Variants in LUC7L2 observed in about 807,000 individuals in gnomAD.
LUC7L2 encodes the protein putative RNA-binding protein Luc7-like 2.
A neutral mutation model predicts 52.8 loss-of-function variants in LUC7L2; 25 were observed. The ratio of observed to expected loss-of-function variants is 0.47; its 90% CI spans 0.34 to 0.66. LUC7L2 has a LOEUF of 0.66. Ranked by LOEUF, LUC7L2 falls within the 30% of genes least tolerant of loss-of-function variation. The pLI is 0.01. For missense variants in LUC7L2, 328 were observed against 497.8 expected (o/e 0.66, Z 3.25); for synonymous variants, 144 against 160.9 (o/e 0.89, Z 0.80).
intron 1 of LUC7L2, among the ~76,000 whole-genome samples, chr7:139,371,151 T>C (rs1373998960): frequency 6.6e-6 from 1 of 152,204 alleles, no homozygotes; most frequent in Non-Finnish European, 1.5e-5. Flanking sequence ...TTTGTAGACA[T>C]GGGAGTGTCT....
chr7:139,349,614 T>TCCCC (rs10581534), intron 1 of LUC7L2, among the ~76,000 whole-genome samples: 1 of 134,328 alleles, frequency 7.4e-6, no homozygotes, highest in Non-Finnish European at 1.6e-5. Flanking sequence ...TGTCAACTGC[T>TCCCC]CCCCCCCCCC....
intron 1 of LUC7L2, chr7:139,345,852 T>C (rs892018569): frequency 2.3e-6 from 2 of 861,064 alleles, no homozygotes; most frequent in Non-Finnish European, 3.3e-6. Context: ...GGACATTTCA[T>C]CTTTACTCTC....
At chr7:139,374,263 C>A in intron 1 of LUC7L2, 1 of 643,372 alleles carries the variant, frequency 1.6e-6, no homozygotes, top group Non-Finnish European at 2.7e-6. Context: ...AAATGAAACA[C>A]CCTGATTTTG....
At chr7:139,411,826 T>C (rs1435270057) in intron 7 of LUC7L2, among the ~76,000 whole-genome samples, 1 of 152,072 alleles carries the variant, frequency 6.6e-6, no homozygotes, top group Non-Finnish European at 1.5e-5. Flanking sequence ...TATGTAGATC[T>C]CAGACCATAG....
At chr7:139,392,278 G>T in intron 2 of LUC7L2, 1 of 209,940 alleles carries the variant, frequency 4.8e-6, no homozygotes. Flanking sequence ...GTCATGGTTT[G>T]TGCAAAACCT....
intron 1 of LUC7L2, among the ~76,000 whole-genome samples, chr7:139,342,411 A>G (rs1322964502): frequency 6.6e-6 from 1 of 152,152 alleles, no homozygotes; most frequent in Non-Finnish European, 1.5e-5. Context: ...TGAAAGCCCA[A>G]GGGGAGAAAA....
chr7:139,360,172 CA>C lies in LUC7L2; in HGVS notation c.-89del. Reference sequence around the variant, plus strand: ...GGCGGCGGCCACCGAGACAGCAGCGCACCTTCCCCCATCCCTTCCCCTTATC... The same window carrying C: ...GGCGGCGGCCACCGAGACAGCAGCGCCCTTCCCCCATCCCTTCCCCTTATC... On this transcript the variant is annotated 5_prime_UTR_variant, in exon 1 of 10. Transcript: ENST00000354926. The C allele has an allele frequency of 1.0e-6, 1 of 990,496 alleles. No homozygotes were observed. The highest frequency in any genetic ancestry group is 2.4e-5 in the Admixed American group (1 of 41,808). 61.4% of individuals were successfully genotyped at this position (990,496 alleles called of 1,614,324 possible).
In LUC7L2 at chr7:139,422,152, A is replaced by G; in HGVS notation, c.1002-11A>G. On this transcript the variant is annotated splice_polypyrimidine_tract_variant and intron_variant, in intron 9 of 9. Transcript: ENST00000354926. The stretch of plus-strand genomic sequence containing the variant: ...CCAACATATTTTGCTCCTCAAATTA[A>G]TATTTTTCAGATCCTCAAAAGAAAG... The G allele has an allele frequency of 1.3e-6, 2 of 1,588,076 alleles. No individual in the cohort carries two copies. The highest frequency in any genetic ancestry group is 1.7e-6 in the Non-Finnish European group (2 of 1,172,242).
chr7:139,351,673 T>G (rs1657307829), intron 1 of LUC7L2, among the ~76,000 whole-genome samples: 1 of 152,248 alleles, frequency 6.6e-6, no homozygotes, highest in African/African-American at 2.4e-5. Flanking sequence ...TGTTTGACAG[T>G]CCAGCTAGAA....
intron 2 of LUC7L2, among the ~76,000 whole-genome samples, chr7:139,385,569 C>T (rs1794160877): frequency 6.6e-6 from 1 of 152,038 alleles, no homozygotes; most frequent in South Asian, 2.1e-4. Context: ...GATCCTCACA[C>T]CTGGGCCTCT....
intron 1 of LUC7L2, among the ~76,000 whole-genome samples, chr7:139,343,103 C>T (rs1799083452): frequency 6.6e-6 from 1 of 152,100 alleles, no homozygotes; most frequent in South Asian, 2.1e-4. Context: ...ATTGCTGACC[C>T]TTTTGTCCTC....
chr7:139,367,675 A>G (rs1156618421), intron 1 of LUC7L2, among the ~76,000 whole-genome samples: 3 of 152,202 alleles, frequency 2.0e-5, no homozygotes, highest in East Asian at 1.9e-4. Context: ...TGAACTATAT[A>G]TATACCTAAG....
chr7:139,349,057 G>A (rs1799365948), intron 1 of LUC7L2, among the ~76,000 whole-genome samples: 1 of 152,128 alleles, frequency 6.6e-6, no homozygotes, highest in African/African-American at 2.4e-5. Flanking sequence ...TGGAGGCTGA[G>A]GCACAAGAAT....
intron 2 of LUC7L2, among the ~76,000 whole-genome samples, chr7:139,384,813 A>G (rs983207303): frequency 6.6e-6 from 1 of 151,908 alleles, no homozygotes; most frequent in Non-Finnish European, 1.5e-5. Context: ...GGCTATTTGT[A>G]GGAGCAATCA....
intron 2 of LUC7L2, among the ~76,000 whole-genome samples, chr7:139,378,398 A>G (rs1800827027): frequency 6.6e-6 from 1 of 151,826 alleles, no homozygotes; most frequent in African/African-American, 2.4e-5. Context: ...GTGAAACCCC[A>G]TCTCTACAAA....
chr7:139,361,300 CT>C (rs1799868308), intron 1 of LUC7L2, among the ~76,000 whole-genome samples: 1 of 152,144 alleles, frequency 6.6e-6, no homozygotes, highest in South Asian at 2.1e-4. Flanking sequence ...TGTGTTGCTT[CT>C]TTAGGCAGAT....
chr7:139,419,132 A>G (rs1246830337), intron 9 of LUC7L2, among the ~76,000 whole-genome samples: 5 of 150,102 alleles, frequency 3.3e-5, no homozygotes, highest in African/African-American at 4.9e-5. Flanking sequence ...AAAACAAACA[A>G]AAAAAAAAAC....
At chr7:139,415,237 C>T (rs1019429574) in intron 8 of LUC7L2, among the ~76,000 whole-genome samples, 3 of 150,656 alleles carry the variant, frequency 2.0e-5, no homozygotes, top group Non-Finnish European at 3.0e-5. Flanking sequence ...TTTTCTTAAC[C>T]ACCTGACATA....
rs115869454 is a variant in LUC7L2 at position 139,370,914 on chromosome 7, A to G, written c.62-5148A>G. The stretch of plus-strand genomic sequence containing the variant: ...AAAAGAGGGAGGAACGTTTCTCTGC[A>G]TTTAGGGATTCAAGGGGTCAGGAAA... On this transcript the variant is annotated intron_variant, in intron 1 of 9. Coordinates refer to ENST00000354926, the MANE Select transcript of LUC7L2 (RefSeq NM_016019.5). Among the ~76,000 whole-genome samples the G allele has an allele frequency of 1.9e-3, 277 of 144,444 alleles. 1 individual carries two copies. Among genetic ancestry groups the G allele is most frequent in the African/African-American group, 7.1e-3 (260 of 36,600 alleles). 94.8% of individuals were successfully genotyped at this position (144,444 alleles called of 152,430 possible).
Sources: gnomAD v4.1 joint callset for allele counts (sites outside exome capture counted in the v4.1 genomes callset) on GRCh38, gnomAD v4.1.1 for gene constraint, MANE v1.5 for transcripts, NCBI Gene and HGNC (gene_info 2026-07-23, HGNC 2026-07-21) for gene names.